Variants in ZNF722 observed in about 807,000 individuals in gnomAD.
ZNF722 encodes the protein zinc finger protein 479 pseudogene.
At chr7:64,017,715 C>T in the ZNF722 span, among the ~76,000 whole-genome samples, 1 of 152,074 alleles carries the variant, frequency 6.6e-6, no homozygotes, top group Non-Finnish European at 1.5e-5. Context: ...AAAATATTCA[C>T]AGTAGAAAGA....
chr7:64,012,078 G>T, the ZNF722 span, among the ~76,000 whole-genome samples: 1 of 152,022 alleles, frequency 6.6e-6, no homozygotes. Context: ...ACTGAAGCTT[G>T]TGCATGCGTC....
At chr7:64,015,603 C>G in the ZNF722 span, 1 of 1,608,804 alleles carries the variant, frequency 6.2e-7, no homozygotes, top group Non-Finnish European at 8.5e-7. Flanking sequence ...AGCTTTTAGG[C>G]GCTCCTCAAC....
chr7:64,015,543 A>G, the ZNF722 span: 5 of 1,613,552 alleles, frequency 3.1e-6, no homozygotes, highest in Non-Finnish European at 4.2e-6. Context: ...TACTAGACAT[A>G]AGAGAATTCA....
At chr7:63,999,825 G>A in the ZNF722 span, among the ~76,000 whole-genome samples, 2 of 151,868 alleles carry the variant, frequency 1.3e-5, no homozygotes, top group East Asian at 3.9e-4. Flanking sequence ...AGGCTCCCGA[G>A]TAGCTGGGAT....
At chr7:63,998,912 C>G in the ZNF722 span, 1 of 1,471,528 alleles carries the variant, frequency 6.8e-7, no homozygotes, top group African/African-American at 1.8e-5. Flanking sequence ...TTCTCTGCTC[C>G]TAGAGGCCAA....
At chr7:64,016,892 G>A in the ZNF722 span, among the ~76,000 whole-genome samples, 27 of 152,274 alleles carry the variant, frequency 1.8e-4, no homozygotes, top group African/African-American at 5.5e-4. Context: ...GTAGTCACAC[G>A]TTATGGTAGG....
At chr7:64,000,227 T>C in the ZNF722 span, among the ~76,000 whole-genome samples, 1 of 151,072 alleles carries the variant, frequency 6.6e-6, no homozygotes, top group Non-Finnish European at 1.5e-5. Context: ...CCCTCCCATG[T>C]TCATGCGATT....
the ZNF722 span, among the ~76,000 whole-genome samples, chr7:64,001,276 G>C: frequency 1.3e-3 from 191 of 152,244 alleles, no homozygotes; most frequent in African/African-American, 4.3e-3. Context: ...GTGTCTGTCT[G>C]TTGTTCTCTT....
chr7:64,014,544 G>A, the ZNF722 span, among the ~76,000 whole-genome samples: 9 of 152,060 alleles, frequency 5.9e-5, no homozygotes, highest in South Asian at 2.1e-4. Flanking sequence ...CATGTTCTCA[G>A]GATGTGTCTT....
the ZNF722 span, among the ~76,000 whole-genome samples, chr7:64,010,383 A>G: frequency 0.73 from 111,713 of 152,000 alleles, 41,344 homozygotes; most frequent in Admixed American, 0.78. Flanking sequence ...GGCATTTAGT[A>G]GTATAAATTT....
At chr7:64,006,902 C>A in the ZNF722 span, among the ~76,000 whole-genome samples, 6 of 151,194 alleles carry the variant, frequency 4.0e-5, no homozygotes, top group Non-Finnish European at 7.4e-5. Context: ...CAGGATATTT[C>A]TTTTGTCTTC....
chr7:64,009,831 T>G, the ZNF722 span, among the ~76,000 whole-genome samples: 25 of 152,220 alleles, frequency 1.6e-4, no homozygotes, highest in Non-Finnish European at 1.3e-4. Flanking sequence ...CAGCTCCTCT[T>G]TATACCTCTG....
At chr7:64,016,533 A>T in the ZNF722 span, among the ~76,000 whole-genome samples, 1 of 152,216 alleles carries the variant, frequency 6.6e-6, no homozygotes, top group Non-Finnish European at 1.5e-5. Flanking sequence ...AAAGCAAAGA[A>T]TGTGGTAACG....
At chr7:63,999,945 C>T in the ZNF722 span, among the ~76,000 whole-genome samples, 1 of 152,114 alleles carries the variant, frequency 6.6e-6, no homozygotes, top group African/African-American at 2.4e-5. Flanking sequence ...ATCCGCCCAT[C>T]TTGGCCTCCC....
At chr7:64,006,809 A>G in the ZNF722 span, among the ~76,000 whole-genome samples, 2 of 136,854 alleles carry the variant, frequency 1.5e-5, no homozygotes, top group African/African-American at 2.7e-5. Context: ...AATTTTTTTC[A>G]TTTTTAAATT....
At chr7:63,999,674 A>G in the ZNF722 span, among the ~76,000 whole-genome samples, 2 of 152,172 alleles carry the variant, frequency 1.3e-5, no homozygotes, top group African/African-American at 2.4e-5. Flanking sequence ...TTTTTCTTCA[A>G]TATAATAATT....
chr7:64,012,260 G>A, the ZNF722 span, among the ~76,000 whole-genome samples: 2 of 152,136 alleles, frequency 1.3e-5, no homozygotes, highest in Non-Finnish European at 2.9e-5. Context: ...CTGATCTTCT[G>A]AAGCCTACTT....
At chr7:64,007,849 A>G in the ZNF722 span, among the ~76,000 whole-genome samples, 9 of 152,222 alleles carry the variant, frequency 5.9e-5, no homozygotes, top group Non-Finnish European at 1.0e-4. Context: ...ACTAGTTTAC[A>G]GTCCCACCAA....
At chr7:63,998,978 G>A in the ZNF722 span, 1 of 1,579,640 alleles carries the variant, frequency 6.3e-7, no homozygotes, top group Non-Finnish European at 8.7e-7. Flanking sequence ...GAAAGACCGG[G>A]ATCCCCTGGA....
Sources: gnomAD v4.1 joint callset for allele counts (sites outside exome capture counted in the v4.1 genomes callset) on GRCh38, gnomAD v4.1.1 for gene constraint, MANE v1.5 for transcripts, NCBI Gene and HGNC (gene_info 2026-07-23, HGNC 2026-07-21) for gene names.